TENM2: variants seen among roughly 807,000 people sequenced by gnomAD.
The protein encoded by TENM2 is teneurin transmembrane protein 2, also known as teneurin-2.
Under a neutral mutation model 245.2 loss-of-function variants are expected in TENM2, and 52 were observed. The ratio of observed to expected loss-of-function variants is 0.21; its 90% CI spans 0.17 to 0.27. TENM2 has a LOEUF of 0.27. TENM2 is among the 10% of genes least tolerant of loss of function. The probability of loss-of-function intolerance (pLI) is 1.00; values close to 1 mark genes in which losing one functional copy is unlikely to be tolerated. For missense variants in TENM2, 3,046 were observed against 3,666.8 expected, an observed-to-expected ratio of 0.83 and a Z score of 4.37; for synonymous variants, 1,363 against 1,438.9, an observed-to-expected ratio of 0.95 and a Z score of 1.19.
chr5:168,032,669 C>A (rs1470907880), intron 5 of TENM2, among the ~76,000 whole-genome samples: 2 of 152,136 alleles, frequency 1.3e-5, no homozygotes, highest in Non-Finnish European at 2.9e-5. Context: ...GGAGTTAGGT[C>A]TTATGGTTTG....
chr5:167,481,842 A>T (rs1264480367), intron 2 of TENM2, among the ~76,000 whole-genome samples: 1 of 152,196 alleles, frequency 6.6e-6, no homozygotes, highest in Non-Finnish European at 1.5e-5. Flanking sequence ...TTAGTATTAT[A>T]TTTTGAATTT....
chr5:167,203,796 C>G, the TENM2 span, among the ~76,000 whole-genome samples: 3 of 150,736 alleles, frequency 2.0e-5, no homozygotes, highest in South Asian at 6.3e-4. Flanking sequence ...TAAAATGTAT[C>G]AAATAAAAAG....
At chr5:168,025,697 G>A (rs1786554118) in intron 5 of TENM2, among the ~76,000 whole-genome samples, 1 of 152,206 alleles carries the variant, frequency 6.6e-6, no homozygotes, top group South Asian at 2.1e-4. Flanking sequence ...TGAGATTAGA[G>A]GAGCAGGTGT....
chr5:167,769,278 C>T (rs1376364206), intron 2 of TENM2, among the ~76,000 whole-genome samples: 3 of 152,166 alleles, frequency 2.0e-5, no homozygotes, highest in Non-Finnish European at 2.9e-5. Flanking sequence ...GTGTGAACCT[C>T]GTCAGTGTAA....
intron 2 of TENM2, among the ~76,000 whole-genome samples, chr5:167,437,324 C>A (rs1764621188): frequency 6.6e-6 from 1 of 152,114 alleles, no homozygotes; most frequent in African/African-American, 2.4e-5. Flanking sequence ...TGCATAAGGC[C>A]CGTAGCCCCT....
At chr5:168,034,121 G>GTATA (rs200576790) in intron 5 of TENM2, among the ~76,000 whole-genome samples, 3 of 93,646 alleles carry the variant, frequency 3.2e-5, no homozygotes, top group African/African-American at 9.6e-5. Context: ...ATATATATGT[G>GTATA]TATATATATA....
intron 2 of TENM2, among the ~76,000 whole-genome samples, chr5:167,548,384 G>A (rs1772702612): frequency 1.3e-5 from 2 of 152,126 alleles, no homozygotes; most frequent in African/African-American, 4.8e-5. Flanking sequence ...TGTGTGGTTG[G>A]TGTAAACTGT....
At chr5:167,069,442 A>G in the TENM2 span, among the ~76,000 whole-genome samples, 1 of 152,168 alleles carries the variant, frequency 6.6e-6, no homozygotes, top group Admixed American at 6.5e-5. Context: ...TGCTCATCTG[A>G]TATTACTTTT....
At chr5:167,045,745 C>G in the TENM2 span, among the ~76,000 whole-genome samples, 1 of 152,132 alleles carries the variant, frequency 6.6e-6, no homozygotes, top group African/African-American at 2.4e-5. Flanking sequence ...AGGATGTATT[C>G]CAGTGCTAAG....
At chr5:167,968,634 G>A (rs1781552407) in intron 4 of TENM2, among the ~76,000 whole-genome samples, 1 of 151,972 alleles carries the variant, frequency 6.6e-6, no homozygotes, top group African/African-American at 2.4e-5. Context: ...CGCCCTAAAG[G>A]GAAGGTGGGA....
intron 1 of TENM2, among the ~76,000 whole-genome samples, chr5:167,304,362 G>A (rs898620865): frequency 1.3e-5 from 2 of 152,078 alleles, no homozygotes; most frequent in African/African-American, 4.8e-5. Context: ...CTTCTGAATC[G>A]CTTCCCCAGT....
chr5:167,524,813 C>G (rs1377763642), intron 2 of TENM2, among the ~76,000 whole-genome samples: 2 of 151,258 alleles, frequency 1.3e-5, no homozygotes, highest in African/African-American at 4.9e-5. Context: ...GATTAAACCC[C>G]TCTCTTACTA....
exon 18 of TENM2, chr5:168,203,714 C>G: frequency 6.2e-7 from 1 of 1,612,062 alleles, no homozygotes. Flanking sequence ...AATATGAGAC[C>G]TGTCCCAGTC....
At chr5:167,827,628 C>CGGGGG (rs386405597) in intron 2 of TENM2, among the ~76,000 whole-genome samples, 19 of 34,234 alleles carry the variant, frequency 5.6e-4, no homozygotes, top group Non-Finnish European at 7.9e-4. Context: ...GCTAGGTGGG[C>CGGGGG]GGGGGGGGGG....
the TENM2 span, among the ~76,000 whole-genome samples, chr5:167,131,342 C>A: frequency 6.6e-6 from 1 of 152,106 alleles, no homozygotes; most frequent in African/African-American, 2.4e-5. Context: ...ATGTGCCAGG[C>A]CTTTGGCAAA....
the TENM2 span, among the ~76,000 whole-genome samples, chr5:167,017,237 G>T: frequency 1.3e-5 from 2 of 152,086 alleles, no homozygotes; most frequent in African/African-American, 4.8e-5. Flanking sequence ...CTTATATCCA[G>T]GTCTTTTTCA....
the TENM2 span, among the ~76,000 whole-genome samples, chr5:167,049,244 T>A: frequency 6.6e-6 from 1 of 152,220 alleles, no homozygotes; most frequent in African/African-American, 2.4e-5. Flanking sequence ...CATAGAAACA[T>A]GGCAAATCAG....
At chr5:167,432,839 AT>A (rs1380050658) in intron 2 of TENM2, among the ~76,000 whole-genome samples, 26 of 152,162 alleles carry the variant, frequency 1.7e-4, no homozygotes, top group Admixed American at 1.7e-3. Flanking sequence ...GTTAGATGGA[AT>A]ATAACCCTTG....
chr5:167,350,611 TG>T (rs1282733363), intron 1 of TENM2, among the ~76,000 whole-genome samples: 5 of 141,338 alleles, frequency 3.5e-5, no homozygotes, highest in Non-Finnish European at 7.8e-5. Flanking sequence ...TATATATATA[TG>T]GGATACATAT....
Sources: allele counts gnomAD v4.1 joint callset (sites outside exome capture counted in the v4.1 genomes callset), GRCh38; gene constraint gnomAD v4.1.1; transcripts MANE v1.5; gene names NCBI Gene and HGNC (gene_info 2026-07-23, HGNC 2026-07-21).